The following CSNK1G2 variants were observed in gnomAD, a reference collection of about 807,000 sequenced individuals.
CSNK1G2 encodes the protein casein kinase 1 gamma 2, also known as casein kinase I isoform gamma-2.
In CSNK1G2, 11 loss-of-function variants were observed where a neutral mutation model predicts 48.0. The ratio of observed to expected loss-of-function variants is 0.23; its 90% CI spans 0.14 to 0.38. The LOEUF is 0.38. Among genes scored for constraint, CSNK1G2 ranks in the 10% least tolerant of loss-of-function variants. The pLI, the probability that CSNK1G2 is intolerant of heterozygous loss-of-function variation, is 1.00. For missense variants in CSNK1G2, 446 were observed against 595.5 expected (o/e 0.75, Z 2.61); for synonymous variants, 337 against 254.1 (o/e 1.33, Z -3.10).
chr19:1,978,767 G>T lies in CSNK1G2; in HGVS notation c.447+17G>T, dbSNP rs1044006656. 1.9e-5 allele frequency: 30 copies of T among 1,569,048 alleles called. No homozygotes were observed. Among genetic ancestry groups the T allele is most frequent in the Non-Finnish European group, 2.3e-5 (27 of 1,156,534 alleles). On this transcript the variant is annotated intron_variant, in intron 5 of 11. Coordinates refer to ENST00000255641, the MANE Select transcript of CSNK1G2 (RefSeq NM_001319.7). This position sits in a 1 kb window ranked among gnomAD's most constrained non-coding sequence, Gnocchi z 7.3. ...ATCCAGCTGGTGCGCGGCGGGCGGG[G>T]CGGGGCGGGGCTCGGAGGGAAGAGG...
Position 1,951,357 on chromosome 19 carries a change from C to A in CSNK1G2, c.-266+9939C>A, listed in dbSNP as rs1042514441. On this transcript the variant is annotated intron_variant, in intron 1 of 11. Coordinates refer to ENST00000255641, the MANE Select transcript of CSNK1G2 (RefSeq NM_001319.7). ...GGCGGAGCTTGCAGTGAGCCGAGAT[C>A]GCACCACTGCACTCCAGCCTGGGCG... 6.9e-5 allele frequency among the ~76,000 whole-genome samples: 10 copies of A among 143,890 alleles called. 2 individuals carry two copies. The highest frequency in any genetic ancestry group is 1.5e-4 in the Non-Finnish European group (10 of 66,564). 94.4% of individuals were successfully genotyped at this position (143,890 alleles called of 152,430 possible). A position where few individuals can be genotyped will look rare whatever the true frequency, so the allele number is the denominator to read the frequency against.
Position 1,979,352 on chromosome 19 carries a change from G to A in CSNK1G2, c.802G>A (p.Gly268Arg). Reference protein sequence around the residue: ...DTLKERYQKIGDTKRATPIEV... With the variant: ...DTLKERYQKIRDTKRATPIEV... ...GCTCAAGGAGCGGTACCAGAAGATC[G>A]GGGACACCAAACGCGCCACGCCCAT... The change falls in exon 8 of 12, where the codon GGG (glycine) becomes AGG (arginine). Residue 268 changes from glycine (G) to arginine (R), a missense_variant. This residue lies in a region of CSNK1G2 where 258 missense variants were observed against 415.9 expected (regional missense o/e 0.62). Transcript: ENST00000255641. The A allele has an allele frequency of 1.2e-6, 2 of 1,606,100 alleles. No homozygotes were observed. Among genetic ancestry groups the A allele is most frequent in the East Asian group, 2.2e-5 (1 of 44,512 alleles).
intron 1 of CSNK1G2, among the ~76,000 whole-genome samples, chr19:1,960,629 T>G (rs937598131): frequency 4.6e-5 from 7 of 152,212 alleles, no homozygotes; most frequent in Non-Finnish European, 7.3e-5. Context: ...GGTTGACACC[T>G]ATAATCCCAG....
chr19:1,971,812 C>T (rs7258750), intron 2 of CSNK1G2, among the ~76,000 whole-genome samples: 70,547 of 147,582 alleles, frequency 0.48, 18,090 homozygotes, highest in East Asian at 0.7. Context: ...CTCGGTCACC[C>T]AGGCTGGAGT....
In CSNK1G2 at chr19:1,980,526, C is replaced by T. The variant is rs1374821818; in HGVS notation, c.*323C>T. On this transcript the variant is annotated 3_prime_UTR_variant, in exon 12 of 12. Transcript: ENST00000255641. ...CCACTCCTGCCCCTCCGTTTCTTTG[C>T]TGAAGTGAGTAGTGTGATCCTGGAG... 9.8e-6 allele frequency: 4 copies of T among 406,306 alleles called. No homozygotes were observed. Among genetic ancestry groups the T allele is most frequent in the East Asian group, 5.4e-5 (1 of 18,480 alleles). The allele number at this position is 406,306 out of a possible 1,614,324, so 25.2% of individuals were successfully genotyped here. A position where few individuals can be genotyped will look rare whatever the true frequency, so the allele number is the denominator to read the frequency against.
intron 2 of CSNK1G2, chr19:1,974,708 G>A (rs1330985534): frequency 6.6e-6 from 1 of 152,216 alleles, no homozygotes; most frequent in Non-Finnish European, 1.5e-5. Flanking sequence ...GCGTTGCTGG[G>A]GCAAGGCTGA....
chr19:1,956,948 A>G (rs1047605021), intron 1 of CSNK1G2, among the ~76,000 whole-genome samples: 1 of 152,354 alleles, frequency 6.6e-6, no homozygotes, highest in Admixed American at 6.5e-5. Context: ...TCTCAGCAGA[A>G]GGAACTGACC....
chr19:1,979,285 G>A (rs1471675599), intron 7 of CSNK1G2, 34 bp from the exon 8 acceptor site: 2 of 1,574,214 alleles, frequency 1.3e-6, no homozygotes, highest in African/African-American at 1.3e-5. Context: ...CGGGGACGCA[G>A]GGCGGGAGCA....
intron 2 of CSNK1G2, among the ~76,000 whole-genome samples, chr19:1,977,333 C>T (rs1045810847): frequency 2.6e-5 from 4 of 152,204 alleles, no homozygotes; most frequent in African/African-American, 7.2e-5. Flanking sequence ...GCTCACCCCT[C>T]GGGTGCTGAG....
chr19:1,955,238 C>T (rs559835260), intron 1 of CSNK1G2, among the ~76,000 whole-genome samples: 5 of 152,212 alleles, frequency 3.3e-5, no homozygotes, highest in Admixed American at 1.3e-4. Context: ...GCTGGGCACC[C>T]GCCCTGTGCC....
rs1282243907 is a variant in CSNK1G2 at position 1,978,888 on chromosome 19, G to A, written c.477G>A (p.Lys159=). The change falls in exon 6 of 12, where the codon AAG becomes AAA. Residue 159 remains lysine (K), a synonymous_variant. Transcript: ENST00000255641. The surrounding 1 kb of genome is among the most constrained non-coding windows in gnomAD (Gnocchi z 7.3). ...LITRMEYVHT[K]SLIYRDVKPE... ...CGCGCATGGAGTATGTGCACACCAA[G>A]AGCCTAATCTACCGGGACGTGAAGC... The A allele has an allele frequency of 6.2e-7, 1 of 1,603,410 alleles. No homozygotes were observed. The highest frequency in any genetic ancestry group is 8.5e-7 in the Non-Finnish European group (1 of 1,179,540).
At chr19:1,977,937 G>A (rs2015816051) in intron 2 of CSNK1G2, among the ~76,000 whole-genome samples, 3 of 152,100 alleles carry the variant, frequency 2.0e-5, no homozygotes, top group Admixed American at 2.0e-4. Flanking sequence ...AGGGCCTCGG[G>A]CATGTGGGAG....
chr19:1,978,378 C>G lies in CSNK1G2; in HGVS notation c.228+33C>G. On this transcript the variant is annotated intron_variant, in intron 3 of 11. Coordinates refer to ENST00000255641, the MANE Select transcript of CSNK1G2 (RefSeq NM_001319.7). The surrounding 1 kb of genome is among the most constrained non-coding windows in gnomAD (Gnocchi z 7.3). ...GGCCCCTCCACCCCACCCCCGCTGA[C>G]GTGCCCCCCAGGGATTTCAGGGCAG... 6.2e-7 allele frequency: 1 copy of G among 1,612,136 alleles called. No individual in the cohort carries two copies. The highest frequency in any genetic ancestry group is 8.5e-7 in the Non-Finnish European group (1 of 1,179,004).
In CSNK1G2 at chr19:1,978,767, G is replaced by C. The variant is rs1044006656; in HGVS notation, c.447+17G>C. On this transcript the variant is annotated intron_variant, in intron 5 of 11. Coordinates refer to ENST00000255641, the MANE Select transcript of CSNK1G2 (RefSeq NM_001319.7). This position sits in a 1 kb window ranked among gnomAD's most constrained non-coding sequence, Gnocchi z 7.3. The stretch of plus-strand genomic sequence containing the variant: ...ATCCAGCTGGTGCGCGGCGGGCGGG[G>C]CGGGGCGGGGCTCGGAGGGAAGAGG... 2 of 1,569,156 alleles carry C rather than the reference G, an allele frequency of 1.3e-6. No homozygotes were observed.
intron 1 of CSNK1G2, among the ~76,000 whole-genome samples, chr19:1,947,423 G>A (rs1328364448): frequency 2.0e-5 from 3 of 152,348 alleles, no homozygotes; most frequent in East Asian, 1.9e-4. Flanking sequence ...GCAGGCGTGC[G>A]AGGGCTCATC....
intron 1 of CSNK1G2, among the ~76,000 whole-genome samples, chr19:1,945,430 G>A (rs1273163956): frequency 6.6e-6 from 1 of 152,230 alleles, no homozygotes; most frequent in African/African-American, 2.4e-5. Context: ...GCCCTGCCCA[G>A]GGATCCCTCC....
At chr19:1,971,699 G>A (rs1407280866) in intron 2 of CSNK1G2, among the ~76,000 whole-genome samples, 5 of 152,268 alleles carry the variant, frequency 3.3e-5, no homozygotes, top group East Asian at 1.9e-4. Flanking sequence ...GTCCTTGGGC[G>A]GCGGTTGCAG....
chr19:1,979,710 C>T lies in CSNK1G2; in HGVS notation c.1003-42C>T, dbSNP rs144582112. On this transcript the variant is annotated intron_variant, in intron 9 of 11. Transcript: ENST00000255641. ...AAACTGCCCTGAGGGAGATGGGAAC[C>T]GGCGCTGCAGCCCATCCTGACCCCT... The T allele has an allele frequency of 3.0e-4, 485 of 1,602,574 alleles. No homozygotes were observed. In the Middle Eastern group the frequency reaches 3.7e-3, roughly 12 times the overall value.
At chr19:1,976,966 C>G (rs1449318997) in intron 2 of CSNK1G2, among the ~76,000 whole-genome samples, 1 of 152,114 alleles carries the variant, frequency 6.6e-6, no homozygotes. Context: ...CTCGAACTCC[C>G]GACCTCAGGT....
Sources: allele counts gnomAD v4.1 joint callset (sites outside exome capture counted in the v4.1 genomes callset), GRCh38; gene constraint gnomAD v4.1.1; regional missense constraint gnomAD v4.1.1; non-coding constraint Gnocchi (gnomAD v3.1); transcripts MANE v1.5; gene names NCBI Gene and HGNC (gene_info 2026-07-23, HGNC 2026-07-21).